The following DMXL1 variants were observed in gnomAD, a reference collection of about 807,000 sequenced individuals.
DMXL1 encodes the protein Dmx like 1.
Under a neutral mutation model 319.2 loss-of-function variants are expected in DMXL1, and 99 were observed. That is an observed-to-expected ratio of 0.31 (90% CI 0.26 to 0.37). The LOEUF (loss-of-function observed/expected upper bound fraction) is 0.37, where lower values mean the gene tolerates loss of function less well. DMXL1 is among the 10% of genes least tolerant of loss of function. DMXL1 has a pLI of 1.00. For missense variants in DMXL1, 3,745 were observed against 3,595.6 expected (o/e 1.04, Z -1.06); for synonymous variants, 1,385 against 1,235.2 (o/e 1.12, Z -2.54).
chr5:119,242,227 A>G (rs1788957981), intron 42 of DMXL1, among the ~76,000 whole-genome samples: 1 of 152,192 alleles, frequency 6.6e-6, no homozygotes, highest in East Asian at 1.9e-4. Context: ...GTTCCAATAT[A>G]TCTATTGAAT....
intron 42 of DMXL1, among the ~76,000 whole-genome samples, chr5:119,241,136 G>T (rs1332194123): frequency 6.6e-6 from 1 of 151,996 alleles, no homozygotes; most frequent in Non-Finnish European, 1.5e-5. Flanking sequence ...TGTTTTATAG[G>T]AAGCTAGAAA....
At chr5:119,081,752 A>C in intron 1 of DMXL1, 1 of 983,292 alleles carries the variant, frequency 1.0e-6, no homozygotes, top group Non-Finnish European at 1.2e-6. Context: ...GAGACTGTGC[A>C]TGGAGAATTT....
At chr5:119,172,062 A>G (rs554157344) in intron 25 of DMXL1, 93 bp downstream of exon 25, 1 of 1,191,064 alleles carries the variant, frequency 8.4e-7, no homozygotes, top group Non-Finnish European at 1.2e-6. Context: ...AATTTTAAAC[A>G]TCAGACTAAG....
chr5:119,202,780 G>A (rs1007060594), intron 32 of DMXL1, among the ~76,000 whole-genome samples: 2 of 150,430 alleles, frequency 1.3e-5, no homozygotes, highest in Non-Finnish European at 3.0e-5. Flanking sequence ...GAACCCAGGA[G>A]GTGGAGGTTG....
chr5:119,168,093 A>G (rs922029515), intron 23 of DMXL1, among the ~76,000 whole-genome samples: 8 of 152,244 alleles, frequency 5.3e-5, no homozygotes, highest in Non-Finnish European at 1.0e-4. Flanking sequence ...AATATTGAAC[A>G]TAAATATTGT....
At chr5:119,204,149 CT>C (rs992809956) in intron 33 of DMXL1, among the ~76,000 whole-genome samples, 1 of 151,734 alleles carries the variant, frequency 6.6e-6, no homozygotes, top group Non-Finnish European at 1.5e-5. Context: ...ATTTATTTAT[CT>C]TTTTTGAGAT....
chr5:119,118,174 A>G (rs963177129), intron 7 of DMXL1, among the ~76,000 whole-genome samples: 3 of 152,180 alleles, frequency 2.0e-5, no homozygotes, highest in Non-Finnish European at 2.9e-5. Flanking sequence ...AGGAGGGGGA[A>G]GTGTTTAGTA....
intron 32 of DMXL1, among the ~76,000 whole-genome samples, chr5:119,199,485 T>C (rs1780282757): frequency 6.6e-6 from 1 of 152,224 alleles, no homozygotes; most frequent in Non-Finnish European, 1.5e-5. Context: ...AGCGTTTAGG[T>C]TCCATTTCTT....
chr5:119,221,253 AG>A (rs1283958922), intron 37 of DMXL1, among the ~76,000 whole-genome samples, 172 bp downstream of exon 37: 1 of 152,202 alleles, frequency 6.6e-6, no homozygotes, highest in Non-Finnish European at 1.5e-5. Context: ...TTCATTTGAA[AG>A]GGTAATAATA....
intron 39 of DMXL1, 113 bp from the exon 40 acceptor site, chr5:119,237,209 T>A: frequency 1.8e-6 from 1 of 547,436 alleles, no homozygotes; most frequent in Non-Finnish European, 3.2e-6. Context: ...AAAAATCACA[T>A]GACATACAGT....
In DMXL1 at chr5:119,248,133, T is replaced by C. The variant is rs1790081418; in HGVS notation, c.*914T>C. On this transcript the variant is annotated 3_prime_UTR_variant, in exon 44 of 44. Coordinates refer to ENST00000539542, the MANE Select transcript of DMXL1 (RefSeq NM_001290321.3). ...TTGTGAATTTGTCAACTTTCGAGCATCAAACAAATATTTTACTTAAATTTT... is the reference window on the plus strand; with the variant it reads ...TTGTGAATTTGTCAACTTTCGAGCACCAAACAAATATTTTACTTAAATTTT... The C allele has an allele frequency of 6.6e-6, 1 of 152,346 alleles. No individual in the cohort carries two copies. Among genetic ancestry groups the C allele is most frequent in the African/African-American group, 2.4e-5 (1 of 41,440 alleles). 9.4% of individuals were successfully genotyped at this position (152,346 alleles called of 1,614,324 possible).
chr5:119,089,293 T>TATGCA (rs70982466), intron 1 of DMXL1, among the ~76,000 whole-genome samples: 31 of 25,332 alleles, frequency 1.2e-3, no homozygotes, highest in African/African-American at 4.3e-3. Context: ...TATATATATA[T>TATGCA]TTTTTTTTTT....
At chr5:119,121,948 G>A (rs9327088) in intron 9 of DMXL1, among the ~76,000 whole-genome samples, 1 of 132,488 alleles carries the variant, frequency 7.5e-6, no homozygotes, top group Non-Finnish European at 1.7e-5. Flanking sequence ...GGGGCGGCTG[G>A]CCGGGCAGAG....
intron 13 of DMXL1, among the ~76,000 whole-genome samples, chr5:119,141,875 A>G (rs1010871334): frequency 4.6e-5 from 7 of 152,174 alleles, no homozygotes; most frequent in South Asian, 4.1e-4. Flanking sequence ...TACTGCAGGG[A>G]TACAGTAGCC....
chr5:119,102,486 C>T (rs1757480171), intron 3 of DMXL1, among the ~76,000 whole-genome samples: 1 of 152,184 alleles, frequency 6.6e-6, no homozygotes, highest in Non-Finnish European at 1.5e-5. Context: ...GTTCTGAAAA[C>T]TGGTTACCCA....
chr5:119,134,001 G>T lies in DMXL1; in HGVS notation c.2077G>T (p.Val693Leu), dbSNP rs763196269. 3 of 1,614,072 alleles carry T rather than the reference G, an allele frequency of 1.9e-6. No individual in the cohort carries two copies. The African/African-American group carries it at 4.0e-5, about 22-fold the overall frequency. ...LTQQNKSTVDVAFQDPSAVYS... is the reference protein window; with the variant it reads ...LTQQNKSTVDLAFQDPSAVYS... Reference sequence around the variant, plus strand: ...ACAACAAAATAAAAGCACTGTTGACGTGGCATTTCAGGATCCCAGTGCAGT... The same window carrying T: ...ACAACAAAATAAAAGCACTGTTGACTTGGCATTTCAGGATCCCAGTGCAGT... Residue 693 changes from valine to leucine, a missense_variant, in exon 12 of 44, where the codon GTG becomes TTG. This residue lies in a region of DMXL1 where 2,096 missense variants were observed against 1,985.4 expected (regional missense o/e 1.06). Coordinates refer to ENST00000539542, the MANE Select transcript of DMXL1 (RefSeq NM_001290321.3).
chr5:119,110,382 A>C lies in DMXL1; in HGVS notation c.497+99A>C, dbSNP rs565844922. Reference sequence around the variant, plus strand: ...TGTGTAAAACCACACTGACATAAAAAGTATTGATTTTTAGTCTATGATATG... The same window carrying C: ...TGTGTAAAACCACACTGACATAAAACGTATTGATTTTTAGTCTATGATATG... On this transcript the variant is annotated intron_variant, in intron 5 of 43. Transcript: ENST00000539542. 209 of 1,141,016 alleles carry C rather than the reference A, an allele frequency of 1.8e-4. 1 individual carries two copies. In the Admixed American group the frequency reaches 5.7e-3, roughly 31 times the overall value. The allele number at this position is 1,141,016 out of a possible 1,614,324, so 70.7% of individuals were successfully genotyped here.
intron 6 of DMXL1, among the ~76,000 whole-genome samples, chr5:119,114,968 A>G (rs894350418): frequency 7.9e-5 from 12 of 152,338 alleles, no homozygotes; most frequent in African/African-American, 2.6e-4. Flanking sequence ...ATGCCCGGCC[A>G]TTAAAAATTT....
chr5:119,164,849 AT>A (rs1349262246), intron 20 of DMXL1, among the ~76,000 whole-genome samples, 173 bp downstream of exon 20: 1 of 152,186 alleles, frequency 6.6e-6, no homozygotes, highest in Non-Finnish European at 1.5e-5. Flanking sequence ...AAGTTTTAAA[AT>A]GTATATTCTA....
Sources: gnomAD v4.1 joint callset for allele counts (sites outside exome capture counted in the v4.1 genomes callset) on GRCh38, gnomAD v4.1.1 for gene constraint, gnomAD v4.1.1 regional missense constraint, MANE v1.5 for transcripts, NCBI Gene and HGNC (gene_info 2026-07-23, HGNC 2026-07-21) for gene names.